The following DYNC2LI1 variants were observed in gnomAD, a reference collection of about 807,000 sequenced individuals.
DYNC2LI1 encodes the protein dynein cytoplasmic 2 light intermediate chain 1, also known as cytoplasmic dynein 2 light intermediate chain 1.
A neutral mutation model predicts 51.9 loss-of-function variants in DYNC2LI1; 45 were observed. The observed-to-expected ratio is 0.87, with a 90% CI of 0.68 to 1.11. The LOEUF (loss-of-function observed/expected upper bound fraction) is 1.11, where lower values mean the gene tolerates loss of function less well. Among genes scored for constraint, DYNC2LI1 ranks in the 50% most tolerant of loss-of-function variants. The pLI, the probability that DYNC2LI1 is intolerant of heterozygous loss-of-function variation, is 0.00. For missense variants in DYNC2LI1, 490 were observed against 417.4 expected, an observed-to-expected ratio of 1.17 and a Z score of -1.51; for synonymous variants, 130 against 137.8, an observed-to-expected ratio of 0.94 and a Z score of 0.40.
intron 3 of DYNC2LI1, 84 bp from the exon 4 acceptor site, chr2:43,787,097 G>A: frequency 1.8e-6 from 2 of 1,099,836 alleles, no homozygotes; most frequent in Non-Finnish European, 2.7e-6. Flanking sequence ...TTTTCAAGAG[G>A]AAGGAAAAAT....
intron 1 of DYNC2LI1, 90 bp downstream of exon 1, chr2:43,774,236 G>A: frequency 1.3e-6 from 2 of 1,564,076 alleles, no homozygotes; most frequent in Middle Eastern, 3.3e-4. Flanking sequence ...TTGGAAGATT[G>A]TGGGGGTGGC....
chr2:43,806,432 A>T (rs530835813), intron 12 of DYNC2LI1, among the ~76,000 whole-genome samples: 47 of 152,260 alleles, frequency 3.1e-4, no homozygotes, highest in African/African-American at 1.1e-3. Flanking sequence ...AGTAAGCAAA[A>T]CATTTTATGT....
chr2:43,787,543 A>G (rs1673585047), intron 4 of DYNC2LI1, among the ~76,000 whole-genome samples: 1 of 152,234 alleles, frequency 6.6e-6, no homozygotes, highest in African/African-American at 2.4e-5. Context: ...TGTCTCTCAA[A>G]AAATCTGCTA....
downstream of DYNC2LI1, chr2:43,810,571 C>T (rs1666446365): frequency 1.1e-6 from 1 of 944,774 alleles, no homozygotes; most frequent in Non-Finnish European, 1.3e-6. Flanking sequence ...TATGTTCTTC[C>T]ATGTCCACAT....
the DYNC2LI1 span, among the ~76,000 whole-genome samples, chr2:43,817,486 G>A: frequency 8.0e-5 from 12 of 150,468 alleles, no homozygotes; most frequent in African/African-American, 7.3e-5. Flanking sequence ...GAGACTCTGC[G>A]TCAAGAAACA....
At chr2:43,787,735 A>T (rs1298532074) in intron 4 of DYNC2LI1, among the ~76,000 whole-genome samples, 1 of 152,120 alleles carries the variant, frequency 6.6e-6, no homozygotes, top group African/African-American at 2.4e-5. Context: ...ACTCTTCAGG[A>T]TAGAAGAAGG....
intron 2 of DYNC2LI1, among the ~76,000 whole-genome samples, chr2:43,780,391 G>A (rs1673222090): frequency 6.6e-6 from 1 of 152,174 alleles, no homozygotes. Context: ...TAGCTGAAAA[G>A]GTAAGGGAGA....
At chr2:43,815,287 A>G in the DYNC2LI1 span, among the ~76,000 whole-genome samples, 5 of 152,234 alleles carry the variant, frequency 3.3e-5, no homozygotes, top group Non-Finnish European at 7.3e-5. Context: ...TCTGTCAATC[A>G]AAAGGTATAA....
At position 43,808,027 on chromosome 2, in the gene DYNC2LI1, A is replaced by T. The variant is rs1203201933; in HGVS notation, c.994-1678A>T. 5.3e-5 allele frequency among the ~76,000 whole-genome samples: 8 copies of T among 152,300 alleles called. No homozygotes were observed. In the East Asian group the frequency reaches 9.6e-4, roughly 18 times the overall value. On this transcript the variant is annotated intron_variant, in intron 12 of 12. Coordinates refer to ENST00000260605, the MANE Select transcript of DYNC2LI1 (RefSeq NM_016008.4). ...CAAAAGGGAGATACTACCAGCAAAG[A>T]ATCTCAAAACAACATTTTCACCTTT...
At chr2:43,788,193 G>A (rs533481270) in intron 4 of DYNC2LI1, among the ~76,000 whole-genome samples, 1 of 152,254 alleles carries the variant, frequency 6.6e-6, no homozygotes, top group African/African-American at 2.4e-5. Flanking sequence ...TTATCAAATT[G>A]TGAATGGAGG....
chr2:43,796,453 A>G (rs1674040408), intron 7 of DYNC2LI1, among the ~76,000 whole-genome samples: 1 of 152,218 alleles, frequency 6.6e-6, no homozygotes. Context: ...GAGAATCGTT[A>G]GAATTCCACA....
At chr2:43,822,924 G>T in the DYNC2LI1 span, 1 of 1,613,828 alleles carries the variant, frequency 6.2e-7, no homozygotes, top group South Asian at 1.1e-5. Context: ...CTGACAGCTC[G>T]CAGCACGGGA....
At chr2:43,793,600 CTT>C (rs368339767) in intron 5 of DYNC2LI1, 23 of 141,662 alleles carry the variant, frequency 1.6e-4, no homozygotes, top group Admixed American at 4.2e-4. Context: ...CTTTTGCCTT[CTT>C]TTTTTTTTTT....
the DYNC2LI1 span, among the ~76,000 whole-genome samples, chr2:43,821,329 A>T: frequency 2.0e-5 from 3 of 152,228 alleles, no homozygotes; most frequent in South Asian, 6.2e-4. Context: ...AAGCTCTTTA[A>T]CCTTCTTGAT....
At chr2:43,799,067 A>T (rs1381365465) in intron 8 of DYNC2LI1, among the ~76,000 whole-genome samples, 12 of 152,180 alleles carry the variant, frequency 7.9e-5, no homozygotes, top group African/African-American at 2.9e-4. Context: ...TTGGAGGGTG[A>T]GGTGGGAAGA....
chr2:43,822,479 C>CCCG, the DYNC2LI1 span: 10 of 668,688 alleles, frequency 1.5e-5, no homozygotes, highest in Non-Finnish European at 1.8e-5. Context: ...CTCCCCCAGG[C>CCCG]CCCCCCCCAT....
At chr2:43,781,308 C>T (rs1209509402) in intron 2 of DYNC2LI1, among the ~76,000 whole-genome samples, 1 of 151,190 alleles carries the variant, frequency 6.6e-6, no homozygotes, top group Non-Finnish European at 1.5e-5. Flanking sequence ...GCAGAGGTTT[C>T]ATGAGCCAAG....
chr2:43,782,473 C>T (rs1185187628), intron 2 of DYNC2LI1, among the ~76,000 whole-genome samples: 1 of 150,340 alleles, frequency 6.7e-6, no homozygotes, highest in Non-Finnish European at 1.5e-5. Context: ...TTCTTTAGAG[C>T]CTGAAGGTTT....
chr2:43,783,609 G>A, intron 3 of DYNC2LI1, 55 bp downstream of exon 3: 6 of 1,166,982 alleles, frequency 5.1e-6, no homozygotes, highest in Non-Finnish European at 7.1e-6. Flanking sequence ...GTTGTATAGG[G>A]CAAGTTAGCT....
Sources: gnomAD v4.1 joint callset for allele counts (sites outside exome capture counted in the v4.1 genomes callset) on GRCh38, gnomAD v4.1.1 for gene constraint, MANE v1.5 for transcripts, NCBI Gene and HGNC (gene_info 2026-07-23, HGNC 2026-07-21) for gene names.